NPAS3: variants seen among roughly 807,000 people sequenced by gnomAD.
NPAS3 encodes neuronal PAS domain protein 3, also known as neuronal PAS domain-containing protein 3.
A neutral mutation model predicts 73.1 loss-of-function variants in NPAS3; 14 were observed. The observed-to-expected ratio is 0.19, with a 90% CI of 0.13 to 0.30. NPAS3 has a LOEUF of 0.30. Among genes scored for constraint, NPAS3 ranks in the 10% least tolerant of loss-of-function variants. The pLI is 1.00. For missense variants in NPAS3, 1,096 were observed against 1,250.0 expected, an observed-to-expected ratio of 0.88 and a Z score of 1.86; for synonymous variants, 620 against 541.5, an observed-to-expected ratio of 1.14 and a Z score of -2.01.
chr14:33,554,571 A>C lies in NPAS3; in HGVS notation c.469-5550A>C, dbSNP rs151322180. Among the ~76,000 whole-genome samples, 40 of 152,350 alleles carry C rather than the reference A, an allele frequency of 2.6e-4. No individual in the cohort carries two copies. In the East Asian group the frequency reaches 7.5e-3, roughly 29 times the overall value. ...CTTAGTTTAAAATAATCTGTCATTA[A>C]AATAACCTAGCCTACTGGTAATTCT... On this transcript the variant is annotated intron_variant, in intron 4 of 11. Transcript: ENST00000356141.
intron 5 of NPAS3, among the ~76,000 whole-genome samples, chr14:33,589,566 C>A (rs987194833): frequency 6.6e-6 from 1 of 152,136 alleles, no homozygotes; most frequent in Non-Finnish European, 1.5e-5. Flanking sequence ...ATACCAGTGA[C>A]CTTGAGTCAA....
intron 2 of NPAS3, among the ~76,000 whole-genome samples, chr14:33,203,066 T>C (rs913809733): frequency 1.3e-5 from 2 of 152,270 alleles, no homozygotes; most frequent in Non-Finnish European, 2.9e-5. Context: ...TTACACTGTT[T>C]AATCGTCACA....
intron 5 of NPAS3, among the ~76,000 whole-genome samples, chr14:33,564,784 C>T (rs2139780903): frequency 6.6e-6 from 1 of 152,282 alleles, no homozygotes; most frequent in South Asian, 2.1e-4. Flanking sequence ...GCACACCTAT[C>T]CCAGCAAAGT....
chr14:33,557,182 A>G (rs1241957104), intron 4 of NPAS3, among the ~76,000 whole-genome samples: 2 of 82,032 alleles, frequency 2.4e-5, no homozygotes, highest in Non-Finnish European at 5.8e-5. Context: ...CCGCTATACT[A>G]CATCCCTGCG....
intron 1 of NPAS3, among the ~76,000 whole-genome samples, chr14:33,047,671 C>G (rs945990221): frequency 9.9e-5 from 15 of 152,172 alleles, no homozygotes; most frequent in African/African-American, 3.6e-4. Context: ...GCTGAGCTTT[C>G]TTAAGCATAT....
At chr14:33,159,845 G>C (rs549465659) in intron 2 of NPAS3, among the ~76,000 whole-genome samples, 1 of 152,124 alleles carries the variant, frequency 6.6e-6, no homozygotes, top group African/African-American at 2.4e-5. Context: ...GAGCCACTGC[G>C]TCTGGCCTGT....
chr14:33,418,491 G>A (rs951550684), intron 4 of NPAS3, among the ~76,000 whole-genome samples: 8 of 151,656 alleles, frequency 5.3e-5, no homozygotes, highest in African/African-American at 1.9e-4. Context: ...ATTTTTTCAG[G>A]GACAGTCAAA....
chr14:33,329,240 C>G (rs569176788), intron 3 of NPAS3, among the ~76,000 whole-genome samples: 1 of 152,290 alleles, frequency 6.6e-6, no homozygotes, highest in East Asian at 1.9e-4. Flanking sequence ...CCCCACCTGC[C>G]TCTCCCTGCT....
chr14:33,630,125 C>A (rs1002916295), intron 5 of NPAS3, among the ~76,000 whole-genome samples: 1 of 152,182 alleles, frequency 6.6e-6, no homozygotes, highest in African/African-American at 2.4e-5. Context: ...TGTCTCCCCA[C>A]ATGTATATCC....
intron 4 of NPAS3, among the ~76,000 whole-genome samples, chr14:33,512,033 C>A (rs1245558891): frequency 1.3e-5 from 2 of 151,986 alleles, no homozygotes; most frequent in African/African-American, 4.8e-5. Flanking sequence ...ATATAGGAAC[C>A]AATTTTGAAC....
intron 5 of NPAS3, among the ~76,000 whole-genome samples, chr14:33,594,714 C>G (rs2057181757): frequency 6.6e-6 from 1 of 152,150 alleles, no homozygotes; most frequent in Non-Finnish European, 1.5e-5. Flanking sequence ...GACCGACTGC[C>G]TCTTGGCAGT....
At chr14:33,290,149 C>T (rs1366945925) in intron 3 of NPAS3, among the ~76,000 whole-genome samples, 1 of 152,088 alleles carries the variant, frequency 6.6e-6, no homozygotes, top group African/African-American at 2.4e-5. Context: ...TTTAAAATTG[C>T]CTGGGTTCAT....
chr14:33,253,817 C>G (rs2048676415), intron 3 of NPAS3, among the ~76,000 whole-genome samples: 1 of 151,992 alleles, frequency 6.6e-6, no homozygotes, highest in Non-Finnish European at 1.5e-5. Flanking sequence ...AGATTTCTCT[C>G]TGGAGTTCTA....
chr14:33,695,305 A>T (rs1483036701), intron 6 of NPAS3, among the ~76,000 whole-genome samples: 1 of 152,248 alleles, frequency 6.6e-6, no homozygotes. Flanking sequence ...CTACCAACAC[A>T]TGTCCACTGC....
intron 3 of NPAS3, among the ~76,000 whole-genome samples, chr14:33,268,816 G>A (rs1245310167): frequency 1.3e-5 from 2 of 152,182 alleles, no homozygotes; most frequent in Non-Finnish European, 2.9e-5. Flanking sequence ...GGACGATGTT[G>A]ATATTCCCTA....
At chr14:33,776,798 C>G (rs1180482139) in intron 8 of NPAS3, among the ~76,000 whole-genome samples, 1 of 152,220 alleles carries the variant, frequency 6.6e-6, no homozygotes, top group Middle Eastern at 3.4e-3. Context: ...AAGGTGCCAT[C>G]AGGATTCTGA....
At chr14:33,545,713 T>A (rs1595127559) in intron 4 of NPAS3, among the ~76,000 whole-genome samples, 1 of 152,216 alleles carries the variant, frequency 6.6e-6, no homozygotes, top group East Asian at 1.9e-4. Flanking sequence ...TTCCATCTTC[T>A]CTATCATTGT....
chr14:33,211,750 T>C (rs2047045330), intron 2 of NPAS3, among the ~76,000 whole-genome samples: 1 of 152,198 alleles, frequency 6.6e-6, no homozygotes, highest in South Asian at 2.1e-4. Context: ...ATTGACGTTG[T>C]TTTTGTTGGT....
At chr14:33,109,658 A>G (rs1025868503) in intron 2 of NPAS3, among the ~76,000 whole-genome samples, 12 of 152,236 alleles carry the variant, frequency 7.9e-5, no homozygotes, top group African/African-American at 2.6e-4. Context: ...TGGTGAGAGT[A>G]TAATGATAAA....
Sources: allele counts gnomAD v4.1 joint callset (sites outside exome capture counted in the v4.1 genomes callset), GRCh38; gene constraint gnomAD v4.1.1; transcripts MANE v1.5; gene names NCBI Gene and HGNC (gene_info 2026-07-23, HGNC 2026-07-21).